Variants in ARL10 observed in about 807,000 individuals in gnomAD.
The protein encoded by ARL10 is ARF like GTPase 10, also known as ADP-ribosylation factor-like protein 10.
In ARL10, 23 loss-of-function variants were observed where a neutral mutation model predicts 26.1. The observed-to-expected ratio is 0.88, with a 90% CI of 0.63 to 1.25. The LOEUF is 1.25. Ranked by LOEUF, ARL10 falls within the 50% of genes most tolerant of loss-of-function variation. The pLI, the probability that ARL10 is intolerant of heterozygous loss-of-function variation, is 0.00. For missense variants in ARL10, 300 were observed against 323.6 expected, an observed-to-expected ratio of 0.93 and a Z score of 0.56; for synonymous variants, 138 against 149.1, an observed-to-expected ratio of 0.93 and a Z score of 0.54.
At chr5:176,411,429 C>G in the ARL10 span, among the ~76,000 whole-genome samples, 1 of 152,204 alleles carries the variant, frequency 6.6e-6, no homozygotes, top group Non-Finnish European at 1.5e-5. Context: ...GCTGTTCCCT[C>G]TGCCTGGAAG....
At chr5:176,403,846 G>A (rs998087227), downstream of ARL10, among the ~76,000 whole-genome samples, 11 of 152,256 alleles carry the variant, frequency 7.2e-5, no homozygotes, top group African/African-American at 1.9e-4. Context: ...TGAAACCTCC[G>A]CCTTTCCGGG....
At chr5:176,407,197 C>T in the ARL10 span, among the ~76,000 whole-genome samples, 105 of 152,298 alleles carry the variant, frequency 6.9e-4, no homozygotes, top group African/African-American at 1.9e-3. Context: ...AAATGGGGTG[C>T]ACTCCAGAAG....
the ARL10 span, among the ~76,000 whole-genome samples, chr5:176,408,232 T>C: frequency 6.6e-6 from 1 of 151,730 alleles, no homozygotes; most frequent in Admixed American, 6.6e-5. Context: ...TTCCTCTTTT[T>C]TTTTTTTTTA....
At chr5:176,367,591 C>T (rs184754284) in intron 2 of ARL10, among the ~76,000 whole-genome samples, 1 of 152,342 alleles carries the variant, frequency 6.6e-6, no homozygotes, top group African/African-American at 2.4e-5. Flanking sequence ...CCCAGCCAGC[C>T]TCACAGCCAT....
chr5:176,377,216 T>C lies in ARL10; in HGVS notation c.*5321T>C, dbSNP rs1768709780. On this transcript the variant is annotated 3_prime_UTR_variant, in exon 4 of 4. Transcript: ENST00000310389. This position sits in a 1 kb window ranked among gnomAD's most constrained non-coding sequence, Gnocchi z 4.5. ...ATGAAATTCAAAGCCAATGGTGGTA[T>C]CTTTGGCCAAGATAATCCAATCGAT... 6.6e-6 allele frequency: 1 copy of C among 152,248 alleles called. No individual in the cohort carries two copies. The highest frequency in any genetic ancestry group is 6.5e-5 in the Admixed American group (1 of 15,288). The allele number at this position is 152,248 out of a possible 1,614,324, so 9.4% of individuals were successfully genotyped here. A position where few individuals can be genotyped will look rare whatever the true frequency, so the allele number is the denominator to read the frequency against.
exon 2 of ARL10, chr5:176,388,630 C>T: frequency 7.2e-7 from 1 of 1,382,394 alleles, no homozygotes. Flanking sequence ...GTGCACAAGG[C>T]TTTGCGGGCA....
chr5:176,384,835 C>T, downstream of ARL10: 1 of 459,704 alleles, frequency 2.2e-6, no homozygotes, highest in East Asian at 3.6e-5. Context: ...AGCTGAGGAG[C>T]TCATGACCCA....
chr5:176,388,971 T>C (rs759016097), downstream of ARL10: 2 of 1,613,620 alleles, frequency 1.2e-6, no homozygotes, highest in Non-Finnish European at 1.7e-6. Context: ...GTGGTACCCA[T>C]AGGTAAGTGG....
Position 176,379,988 on chromosome 5 carries a change from A to AT in ARL10, c.*8093_*8094insT, listed in dbSNP as rs1755513139. Reference sequence around the variant, plus strand: ...GTTTTTGAGTATTTTCTCTTGGATTAGTTAAGTCTTTATGATGGCTCTAAG... The same window carrying AT: ...GTTTTTGAGTATTTTCTCTTGGATTATGTTAAGTCTTTATGATGGCTCTAAG... On this transcript the variant is annotated 3_prime_UTR_variant, in exon 4 of 4. Coordinates refer to ENST00000310389, the MANE Select transcript of ARL10 (RefSeq NM_173664.6). 1 of 152,202 alleles carries AT rather than the reference A, an allele frequency of 6.6e-6. No homozygotes were observed. Among genetic ancestry groups the AT allele is most frequent in the Non-Finnish European group, 1.5e-5 (1 of 68,042 alleles). 9.4% of individuals were successfully genotyped at this position (152,202 alleles called of 1,614,324 possible). A position where few individuals can be genotyped will look rare whatever the true frequency, so the allele number is the denominator to read the frequency against.
downstream of ARL10, among the ~76,000 whole-genome samples, chr5:176,390,254 G>A (rs1005104678): frequency 1.3e-5 from 2 of 150,212 alleles, no homozygotes; most frequent in African/African-American, 2.5e-5. Context: ...CTAGAGTAAT[G>A]CCATTTGAAA....
chr5:176,392,918 T>A, downstream of ARL10: 2 of 1,614,132 alleles, frequency 1.2e-6, no homozygotes, highest in Non-Finnish European at 1.7e-6. The surrounding 1 kb of genome is among the most constrained non-coding windows in gnomAD (Gnocchi z 5.2). Context: ...CCTCCTTGGA[T>A]TCCTTCACGA....
At chr5:176,385,729 T>G (rs1755789109), downstream of ARL10, among the ~76,000 whole-genome samples, 1 of 152,176 alleles carries the variant, frequency 6.6e-6, no homozygotes, top group South Asian at 2.1e-4. Flanking sequence ...GATGTATTAT[T>G]GCAACACATG....
rs1209479662 is a variant in ARL10 at position 176,376,012 on chromosome 5, G to A, written c.*4117G>A. ...ATATTGGCACTTATTAATTGAAAAGGTCAGGGTACCACTTCCAATGAGTGT... is the reference window on the plus strand; with the variant it reads ...ATATTGGCACTTATTAATTGAAAAGATCAGGGTACCACTTCCAATGAGTGT... On this transcript the variant is annotated 3_prime_UTR_variant, in exon 4 of 4. Transcript: ENST00000310389. 1.3e-5 allele frequency: 2 copies of A among 152,190 alleles called. No homozygotes were observed. The highest frequency in any genetic ancestry group is 4.8e-5 in the African/African-American group (2 of 41,432). The allele number at this position is 152,190 out of a possible 1,614,324, so 9.4% of individuals were successfully genotyped here.
At chr5:176,367,560 C>T (rs961229133) in intron 2 of ARL10, among the ~76,000 whole-genome samples, 2 of 152,330 alleles carry the variant, frequency 1.3e-5, no homozygotes, top group African/African-American at 4.8e-5. Flanking sequence ...TCACTGTGGT[C>T]TTTGGCCCCA....
downstream of ARL10, chr5:176,385,867 C>CTA (rs2113585311): frequency 6.5e-6 from 1 of 152,982 alleles, no homozygotes; most frequent in Non-Finnish European, 1.5e-5. Context: ...AATGGCTTCA[C>CTA]TTTTAAAATA....
In ARL10 at chr5:176,365,585, C is replaced by G. The variant is rs531391251; in HGVS notation, c.22C>G (p.Pro8Ala). Reference protein sequence around the residue: MAPRPLGPLVLALGGAAA... With the variant: MAPRPLGALVLALGGAAA... ...CCCGATGGCGCCGCGGCCGCTGGGC[C>G]CCTTGGTGCTGGCGCTGGGCGGCGC... The change falls in exon 1 of 4, where the codon CCC (proline) becomes GCC (alanine). Residue 8 changes from proline to alanine, a missense_variant. Transcript: ENST00000310389. 8.1e-7 allele frequency: 1 copy of G among 1,241,566 alleles called. No individual in the cohort carries two copies. Among genetic ancestry groups the G allele is most frequent in the Middle Eastern group, 2.3e-4 (1 of 4,264 alleles). The allele number at this position is 1,241,566 out of a possible 1,614,324, so 76.9% of individuals were successfully genotyped here. A position where few individuals can be genotyped will look rare whatever the true frequency, so the allele number is the denominator to read the frequency against.
At chr5:176,385,259 CATAGT>C (rs1755745009), downstream of ARL10, 4 of 1,613,160 alleles carry the variant, frequency 2.5e-6, no homozygotes, top group Non-Finnish European at 3.4e-6. Context: ...ATGTAGCGTA[CATAGT>C]CAATGAGGTC....
chr5:176,413,552 G>T, the ARL10 span, among the ~76,000 whole-genome samples: 1 of 152,238 alleles, frequency 6.6e-6, no homozygotes, highest in Non-Finnish European at 1.5e-5. Flanking sequence ...ACTGAGCCCA[G>T]TGTCAGCACA....
At chr5:176,389,639 T>A, downstream of ARL10, 2 of 897,230 alleles carry the variant, frequency 2.2e-6, no homozygotes, top group Non-Finnish European at 3.3e-6. Flanking sequence ...TTTGTGTAAC[T>A]GTAACCGAAA....
Sources: allele counts gnomAD v4.1 joint callset (sites outside exome capture counted in the v4.1 genomes callset), GRCh38; gene constraint gnomAD v4.1.1; non-coding constraint Gnocchi (gnomAD v3.1); transcripts MANE v1.5; gene names NCBI Gene and HGNC (gene_info 2026-07-23, HGNC 2026-07-21).